Variants in ME3 observed in about 807,000 individuals in gnomAD.
ME3 encodes malic enzyme 3, also known as NADP-dependent malic enzyme, mitochondrial.
In ME3, 48 loss-of-function variants were observed where a neutral mutation model predicts 68.9. That is an observed-to-expected ratio of 0.70 (90% CI 0.55 to 0.89). The LOEUF is 0.89. Ranked by LOEUF, ME3 falls within the 40% of genes least tolerant of loss-of-function variation. ME3 has a pLI of 0.00. For missense variants in ME3, 675 were observed against 797.4 expected (o/e 0.85, Z 1.85); for synonymous variants, 320 against 318.8 (o/e 1.00, Z -0.04).
At chr11:86,478,206 A>G (rs1049278007) in intron 7 of ME3, among the ~76,000 whole-genome samples, 1 of 151,756 alleles carries the variant, frequency 6.6e-6, no homozygotes, top group African/African-American at 2.4e-5. Context: ...TTACTGAGTC[A>G]TAGGCCCTGA....
intron 7 of ME3, among the ~76,000 whole-genome samples, chr11:86,467,235 TG>T (rs1354359362): frequency 6.6e-6 from 1 of 152,234 alleles, no homozygotes; most frequent in African/African-American, 2.4e-5. Flanking sequence ...TATTACTAAC[TG>T]AAGCCTGAGG....
In ME3 at chr11:86,661,356, A is replaced by G. The variant is rs142482417; in HGVS notation, c.183+10406T>C. Among the ~76,000 whole-genome samples, 1,342 of 152,380 alleles carry G rather than the reference A, an allele frequency of 8.8e-3. 27 individuals are homozygous for G. The highest frequency in any genetic ancestry group is 0.03 in the African/African-American group (1,254 of 41,588). On this transcript the variant is annotated intron_variant, in intron 2 of 14. Coordinates refer to ENST00000543262, the Ensembl canonical transcript of ME3. ...GCCAAAGTTTTTAAGTGGATCCGGT[A>G]TGGATGGGGCACCCAGGCATTGTGC... is the stretch of plus-strand genomic sequence containing the variant.
intron 7 of ME3, among the ~76,000 whole-genome samples, chr11:86,469,220 G>A (rs1950651250): frequency 1.3e-5 from 2 of 152,212 alleles, no homozygotes; most frequent in Non-Finnish European, 2.9e-5. Flanking sequence ...CCTGGTCTGA[G>A]AGCATTGGAG....
At chr11:86,564,192 CAT>C (rs1957367966) in intron 2 of ME3, among the ~76,000 whole-genome samples, 3 of 151,874 alleles carry the variant, frequency 2.0e-5, no homozygotes, top group Admixed American at 1.3e-4. Flanking sequence ...CTAGGTATTT[CAT>C]ATGTTTATTT....
intron 4 of ME3, among the ~76,000 whole-genome samples, chr11:86,534,066 G>GGT (rs747610946): frequency 1.6e-3 from 76 of 48,938 alleles, no homozygotes; most frequent in East Asian, 0.013. Flanking sequence ...GTAAAAATGA[G>GGT]GTGTGTGTGT....
chr11:86,652,371 G>A (rs1216165265), intron 2 of ME3, among the ~76,000 whole-genome samples: 1 of 152,206 alleles, frequency 6.6e-6, no homozygotes, highest in African/African-American at 2.4e-5. Context: ...ACAAAGGGAA[G>A]CCCATCAGAC....
At chr11:86,458,390 C>G (rs1169381487) in intron 8 of ME3, among the ~76,000 whole-genome samples, 1 of 152,188 alleles carries the variant, frequency 6.6e-6, no homozygotes, top group African/African-American at 2.4e-5. Flanking sequence ...CTCCTGGACT[C>G]TCTAGAGGGC....
chr11:86,636,004 G>A (rs1944310301), intron 2 of ME3, among the ~76,000 whole-genome samples: 1 of 152,176 alleles, frequency 6.6e-6, no homozygotes, highest in Admixed American at 6.5e-5. Context: ...CGTATCCTGG[G>A]AAGCTTTGGG....
intron 2 of ME3, among the ~76,000 whole-genome samples, chr11:86,609,127 T>C (rs1257067356): frequency 6.6e-6 from 1 of 152,230 alleles, no homozygotes; most frequent in Non-Finnish European, 1.5e-5. Context: ...GTCATGCAGC[T>C]GACATGTAGT....
intron 3 of ME3, 135 bp from the exon 4 acceptor site, chr11:86,556,837 G>C (rs1328293589): frequency 2.3e-6 from 2 of 870,494 alleles, no homozygotes; most frequent in African/African-American, 3.4e-5. Flanking sequence ...TCTGCCCTGA[G>C]CATGAGCTTC....
chr11:86,634,170 C>A lies in ME3; in HGVS notation c.183+37592G>T, dbSNP rs562639619. On this transcript the variant is annotated intron_variant, in intron 2 of 14. Coordinates refer to ENST00000543262, the Ensembl canonical transcript of ME3. ...AGTAGAGGGAGGAGAGATTGGGAAACCTGAGAGGGGTGTTCAGGGATGCCT... is the reference window on the plus strand; with the variant it reads ...AGTAGAGGGAGGAGAGATTGGGAAAACTGAGAGGGGTGTTCAGGGATGCCT... 1.2e-4 allele frequency among the ~76,000 whole-genome samples: 18 copies of A among 152,250 alleles called. No homozygotes were observed. In the South Asian group the frequency reaches 3.7e-3, roughly 32 times the overall value.
rs919379768 is a variant in ME3 at position 86,510,559 on chromosome 11, A to G, written c.468-1692T>C. ...AAATATCTATAGACCAGCGTTTCTC[A>G]CCTTTGGCACTATTGACATTTTGGG... On this transcript the variant is annotated intron_variant, in intron 4 of 14. Coordinates refer to ENST00000543262, the Ensembl canonical transcript of ME3. Among the ~76,000 whole-genome samples the G allele has an allele frequency of 1.2e-4, 19 of 152,104 alleles. No homozygotes were observed. In the South Asian group the frequency reaches 2.3e-3, roughly 18 times the overall value.
chr11:86,617,055 T>TTTG (rs1238589336), intron 2 of ME3, among the ~76,000 whole-genome samples: 2 of 81,312 alleles, frequency 2.5e-5, no homozygotes, highest in Non-Finnish European at 5.4e-5. Flanking sequence ...GTTTTTTTTT[T>TTTG]TTTTTTTTTT....
At chr11:86,522,409 T>C (rs1285642866) in intron 4 of ME3, among the ~76,000 whole-genome samples, 1 of 152,024 alleles carries the variant, frequency 6.6e-6, no homozygotes, top group Non-Finnish European at 1.5e-5. Flanking sequence ...GCAGAATGTA[T>C]TGTTACATAG....
chr11:86,466,638 C>T (rs949853086), intron 7 of ME3, among the ~76,000 whole-genome samples: 2 of 152,160 alleles, frequency 1.3e-5, no homozygotes, highest in African/African-American at 4.8e-5. Flanking sequence ...ACATTTTTTC[C>T]AGCCTTATAA....
intron 4 of ME3, among the ~76,000 whole-genome samples, chr11:86,554,218 T>G (rs1219346660): frequency 6.6e-6 from 1 of 152,168 alleles, no homozygotes; most frequent in Non-Finnish European, 1.5e-5. Context: ...CAATCTAGTT[T>G]CCATAAGAGC....
intron 2 of ME3, among the ~76,000 whole-genome samples, chr11:86,650,732 T>C (rs1455888104): frequency 6.6e-6 from 1 of 152,208 alleles, no homozygotes; most frequent in African/African-American, 2.4e-5. Flanking sequence ...CACCAGGGAT[T>C]GTCAGACAGT....
At chr11:86,657,260 C>T (rs1328002279) in intron 2 of ME3, among the ~76,000 whole-genome samples, 1 of 152,106 alleles carries the variant, frequency 6.6e-6, no homozygotes, top group Non-Finnish European at 1.5e-5. Flanking sequence ...AAATGTGGCA[C>T]ATATACACCA....
downstream of ME3, chr11:86,441,094 G>T: frequency 2.1e-6 from 1 of 469,624 alleles, no homozygotes; most frequent in South Asian, 9.3e-5. Context: ...TCAGAAAAGT[G>T]AACTCCCAGG....
Sources: allele counts gnomAD v4.1 joint callset (sites outside exome capture counted in the v4.1 genomes callset), GRCh38; gene constraint gnomAD v4.1.1; transcripts MANE v1.5; gene names NCBI Gene and HGNC (gene_info 2026-07-23, HGNC 2026-07-21).